Variants in MBP observed in about 807,000 individuals in gnomAD.
MBP encodes the protein myelin basic protein.
A neutral mutation model predicts 35.8 loss-of-function variants in MBP; 16 were observed. That is an observed-to-expected ratio of 0.45 (90% CI 0.30 to 0.68). The LOEUF is 0.68. Among genes scored for constraint, MBP ranks in the 30% least tolerant of loss-of-function variants. The pLI is 0.08. For synonymous variants in MBP, 143 were observed against 159.6 expected (o/e 0.90, Z 0.78); for missense variants, 380 against 404.7 (o/e 0.94, Z 0.52).
rs1416645417 is a variant in MBP, at chr18:76,995,625, T to TA, written c.577-5566dup. On this transcript the variant is annotated intron_variant, in intron 4 of 8. Transcript: ENST00000355994. ...TTGAAGCAATTGAACATCCATATGT[T>TA]AAAAAAAACAACGACCACGAAAAAC... is the stretch of plus-strand genomic sequence containing the variant. 1.5e-4 allele frequency among the ~76,000 whole-genome samples: 23 copies of TA among 151,582 alleles called. No individual in the cohort carries two copies. In the East Asian group the frequency reaches 3.0e-3, roughly 19 times the overall value.
chr18:77,017,384 G>T (rs1971711592), intron 3 of MBP, 116 bp from the exon 4 acceptor site: 1 of 944,126 alleles, frequency 1.1e-6, no homozygotes, highest in Non-Finnish European at 1.5e-6. Context: ...CAGAATATGT[G>T]CAGTCCTCAT....
At position 77,020,807 on chromosome 18, in the gene MBP, C is replaced by T. The variant is rs568214845; in HGVS notation, c.140-3539G>A. The stretch of plus-strand genomic sequence containing the variant: ...GGTGGGTGGGAGCACTCTGGAAACC[C>T]GCATTCCCAGACCACACCCCGGGAC... On this transcript the variant is annotated intron_variant, in intron 3 of 8. Coordinates refer to ENST00000355994, the MANE Select transcript of MBP (RefSeq NM_001025101.2). This position sits in a 1 kb window ranked among gnomAD's most constrained non-coding sequence, Gnocchi z 4.1. Among the ~76,000 whole-genome samples, 12 of 152,320 alleles carry T rather than the reference C, an allele frequency of 7.9e-5. No homozygotes were observed. Among genetic ancestry groups the T allele is most frequent in the African/African-American group, 2.2e-4 (9 of 41,566 alleles).
intron 4 of MBP, among the ~76,000 whole-genome samples, chr18:76,998,373 C>G (rs1310350726): frequency 6.6e-6 from 1 of 152,198 alleles, no homozygotes; most frequent in Non-Finnish European, 1.5e-5. Flanking sequence ...ACGACATCCA[C>G]GGCACCGTAT....
chr18:77,105,386 C>A, intron 1 of MBP, 100 bp from the exon 2 acceptor site: 2 of 701,624 alleles, frequency 2.9e-6, no homozygotes, highest in South Asian at 3.0e-5. Context: ...ATATGTAATG[C>A]CCATTTTTGA....
intron 4 of MBP, 141 bp from the exon 5 acceptor site, chr18:76,990,201 T>C (rs1969817405): frequency 1.8e-5 from 11 of 596,020 alleles, no homozygotes; most frequent in Non-Finnish European, 3.0e-5. Context: ...TTAAGGACTA[T>C]TGTGATAGAT....
At position 76,988,030 on chromosome 18, in the gene MBP, CTATT is replaced by C; in HGVS notation, c.750+461_750+464del. The C allele has an allele frequency of 7.2e-7, 1 of 1,385,702 alleles. No individual in the cohort carries two copies. The highest frequency in any genetic ancestry group is 9.4e-7 in the Non-Finnish European group (1 of 1,067,962). The allele number at this position is 1,385,702 out of a possible 1,614,324, so 85.8% of individuals were successfully genotyped here. On this transcript the variant is annotated intron_variant, in intron 7 of 8. Coordinates refer to ENST00000355994, the MANE Select transcript of MBP (RefSeq NM_001025101.2). This position sits in a 1 kb window ranked among gnomAD's most constrained non-coding sequence, Gnocchi z 5.2. ...TGAGGTTATTATAAATCGAGCAACT[CTATT>C]TAGCCTCTTTTTCTGTTCATCAGCA... is the stretch of plus-strand genomic sequence containing the variant.
intron 4 of MBP, chr18:77,009,769 C>A: frequency 7.7e-7 from 1 of 1,296,642 alleles, no homozygotes; most frequent in Non-Finnish European, 1.1e-6. Context: ...CACTACCTGC[C>A]CCGAGGGACA....
intron 2 of MBP, chr18:77,068,923 C>A: frequency 2.2e-6 from 1 of 457,326 alleles, no homozygotes; most frequent in South Asian, 1.5e-5. Flanking sequence ...GAGCAGCAGC[C>A]GCCACCACGG....
intron 3 of MBP, among the ~76,000 whole-genome samples, chr18:77,026,160 A>G (rs1357816549): frequency 1.3e-5 from 2 of 152,204 alleles, no homozygotes; most frequent in Non-Finnish European, 2.9e-5. Context: ...CGTTTCAGGG[A>G]CGGTGCCTGC....
At chr18:77,009,923 G>T (rs754289281) in intron 4 of MBP, 186 of 1,580,784 alleles carry the variant, frequency 1.2e-4, no homozygotes, top group Non-Finnish European at 1.2e-4. Context: ...TTTAGCCAGG[G>T]TACCTGCCGG....
At chr18:77,074,723 C>T (rs1427219781) in intron 2 of MBP, among the ~76,000 whole-genome samples, 1 of 152,312 alleles carries the variant, frequency 6.6e-6, no homozygotes, top group African/African-American at 2.4e-5. Context: ...GATTCCCAGA[C>T]ACAGCCTGCA....
In MBP at chr18:77,066,403, A is replaced by C. The variant is rs771795911; in HGVS notation, c.52-18T>G. The C allele has an allele frequency of 7.0e-7, 1 of 1,435,374 alleles. No homozygotes were observed. The highest frequency in any genetic ancestry group is 1.2e-5 in the South Asian group (1 of 86,508). 88.9% of individuals were successfully genotyped at this position (1,435,374 alleles called of 1,614,324 possible). ...TCACTATTCTGGAAAAAGAAAACAC[A>C]ACAAACCCTTTTCTTAAGATAAATT... is the stretch of plus-strand genomic sequence containing the variant. On this transcript the variant is annotated intron_variant, in intron 2 of 8. Transcript: ENST00000355994.
At chr18:77,038,909 A>C (rs1245439632) in intron 3 of MBP, among the ~76,000 whole-genome samples, 1 of 152,230 alleles carries the variant, frequency 6.6e-6, no homozygotes, top group Admixed American at 6.5e-5. Flanking sequence ...GTTAGTATGG[A>C]GGTTTGAATA....
intron 3 of MBP, among the ~76,000 whole-genome samples, chr18:77,050,692 C>T (rs1335413831): frequency 2.6e-5 from 4 of 152,144 alleles, no homozygotes; most frequent in Non-Finnish European, 5.9e-5. Flanking sequence ...AATTATAGGA[C>T]GTGCCATCAC....
chr18:77,012,994 T>G (rs1478377435), intron 4 of MBP: 4 of 985,430 alleles, frequency 4.1e-6, no homozygotes, highest in Non-Finnish European at 4.8e-6. Flanking sequence ...TAATTAACTA[T>G]CGTCTATTCA....
chr18:77,098,183 T>TTA (rs1975844148), intron 2 of MBP, among the ~76,000 whole-genome samples: 1 of 149,854 alleles, frequency 6.7e-6, no homozygotes. Context: ...TTTTTTTTTT[T>TTA]TTTTTTACAA....
intron 3 of MBP, among the ~76,000 whole-genome samples, chr18:77,018,964 T>TCCATCCATC (rs1971850101): frequency 1.6e-5 from 2 of 122,480 alleles, no homozygotes; most frequent in African/African-American, 3.2e-5. Context: ...ATCTATCCAT[T>TCCATCCATC]CATCCATCCA....
At chr18:77,005,450 G>GA in intron 4 of MBP, 1 of 152,146 alleles carries the variant, frequency 6.6e-6, no homozygotes, top group South Asian at 2.1e-4. Flanking sequence ...GAGACCCACG[G>GA]AAAAAATTCC....
In MBP at chr18:76,989,818, G is replaced by T; in HGVS notation, c.681+138C>A. The T allele has an allele frequency of 1.4e-6, 1 of 690,412 alleles. No homozygotes were observed. The allele number at this position is 690,412 out of a possible 1,614,324, so 42.8% of individuals were successfully genotyped here. On this transcript the variant is annotated intron_variant, in intron 5 of 8. Coordinates refer to ENST00000355994, the MANE Select transcript of MBP (RefSeq NM_001025101.2). The surrounding 1 kb of genome is among the most constrained non-coding windows in gnomAD (Gnocchi z 4.0). ...ACTCGCGATCAGGTGCGAGGGGGGA[G>T]TTCCCCGGCCGGCCTCACCCTGATG...
Sources: gnomAD v4.1 joint callset for allele counts (sites outside exome capture counted in the v4.1 genomes callset) on GRCh38, gnomAD v4.1.1 for gene constraint, Gnocchi (gnomAD v3.1) non-coding constraint, MANE v1.5 for transcripts, NCBI Gene and HGNC (gene_info 2026-07-23, HGNC 2026-07-21) for gene names.